The following ZNF44 variants were observed in gnomAD, a reference collection of about 807,000 sequenced individuals.
ZNF44 encodes the protein zinc finger protein 44.
In ZNF44, 9 loss-of-function variants were observed where a neutral mutation model predicts 11.7. That is an observed-to-expected ratio of 0.77 (90% CI 0.46 to 1.35). The LOEUF (loss-of-function observed/expected upper bound fraction) is 1.35, where lower values mean the gene tolerates loss of function less well. ZNF44 is among the 40% of genes most tolerant of loss of function. ZNF44 has a pLI of 0.00. For synonymous variants in ZNF44, 224 were observed against 242.7 expected (o/e 0.92, Z 0.72); for missense variants, 696 against 743.1 (o/e 0.94, Z 0.74).
chr19:12,279,829 T>A (rs1967388943), intron 1 of ZNF44, among the ~76,000 whole-genome samples: 2 of 99,452 alleles, frequency 2.0e-5, no homozygotes, highest in African/African-American at 4.9e-5. Context: ...AAAACTAAAA[T>A]GAAGGTAAAA....
Position 12,273,221 on chromosome 19 carries a change from C to T in ZNF44, c.1034G>A (p.Gly345Asp), listed in dbSNP as rs754354857. 2.5e-6 allele frequency: 4 copies of T among 1,613,912 alleles called. No homozygotes were observed. The highest frequency in any genetic ancestry group is 1.1e-5 in the South Asian group (1 of 91,056). Residue 345 changes from glycine to aspartate, a missense_variant, in exon 4 of 4, where the codon GGC becomes GAC. Transcript: ENST00000355684. ...TCGTGCTGAACCAGGAAAATCAAAG[C>T]CTTTCCCACATATCTTACATTTATG... ...GPHKCKICGK[G>D]FDFPGSARIH...
downstream of ZNF44, among the ~76,000 whole-genome samples, chr19:12,268,566 CTTTA>C (rs1917827074): frequency 6.6e-6 from 1 of 151,970 alleles, no homozygotes; most frequent in South Asian, 2.1e-4. Flanking sequence ...GAGAAAATCT[CTTTA>C]TTATTATTTA....
At chr19:12,233,407 T>C (rs1916238692) in intron 2 of ZNF44, among the ~76,000 whole-genome samples, 1 of 151,944 alleles carries the variant, frequency 6.6e-6, no homozygotes, top group Non-Finnish European at 1.5e-5. Context: ...CTTACAGAAA[T>C]AGACTTCACC....
intron 1 of ZNF44, among the ~76,000 whole-genome samples, chr19:12,279,288 A>G (rs1415193582): frequency 6.6e-6 from 1 of 152,150 alleles, no homozygotes; most frequent in African/African-American, 2.4e-5. Flanking sequence ...TGGGAGGCTG[A>G]GGGAGGAGGA....
At chr19:12,232,759 C>T (rs8107627) in intron 2 of ZNF44, among the ~76,000 whole-genome samples, 9,270 of 152,122 alleles carry the variant, frequency 0.061, 960 homozygotes, top group African/African-American at 0.21. Context: ...ACAGACACAG[C>T]AACAATCTGA....
intron 7 of ZNF44, chr19:12,249,929 C>G: frequency 8.6e-7 from 1 of 1,168,364 alleles, no homozygotes. Context: ...TAATGACATA[C>G]TAAGATTTTT....
chr19:12,278,706 G>C (rs1031639810), intron 1 of ZNF44, among the ~76,000 whole-genome samples: 2 of 150,568 alleles, frequency 1.3e-5, no homozygotes, highest in Non-Finnish European at 3.0e-5. Flanking sequence ...AAGTCTGAGT[G>C]AAAGAGTGAC....
chr19:12,284,678 G>C, intron 1 of ZNF44: 1 of 750,950 alleles, frequency 1.3e-6, no homozygotes. Context: ...CCAGGTTCAA[G>C]GCGTTTGTTG....
chr19:12,286,843 C>T (rs1362992063), intron 1 of ZNF44, among the ~76,000 whole-genome samples: 2 of 151,098 alleles, frequency 1.3e-5, no homozygotes, highest in South Asian at 2.1e-4. Context: ...CCCAGCTACT[C>T]GGGAGGCTGA....
At chr19:12,289,883 G>A (rs1170182434) in intron 1 of ZNF44, among the ~76,000 whole-genome samples, 2 of 151,826 alleles carry the variant, frequency 1.3e-5, no homozygotes, top group African/African-American at 2.4e-5. Context: ...CGCCTGCCTC[G>A]ACCTCCCAAA....
intron 1 of ZNF44, among the ~76,000 whole-genome samples, chr19:12,286,204 T>A (rs1366094965): frequency 2.0e-5 from 3 of 152,202 alleles, no homozygotes; most frequent in African/African-American, 7.2e-5. Flanking sequence ...CTGAATCAAA[T>A]CAATATTCTC....
chr19:12,259,458 T>G (rs896182681), intron 5 of ZNF44, among the ~76,000 whole-genome samples: 8 of 152,214 alleles, frequency 5.3e-5, no homozygotes, highest in African/African-American at 1.9e-4. Context: ...AGGAGTGCCC[T>G]TTTTATGATT....
intron 1 of ZNF44, among the ~76,000 whole-genome samples, chr19:12,285,942 C>G (rs186114800): frequency 7.9e-4 from 119 of 150,296 alleles, no homozygotes; most frequent in African/African-American, 2.9e-3. Flanking sequence ...TGGCGTGAAC[C>G]CGGGGGTCAG....
chr19:12,257,502 A>C (rs542926284), intron 5 of ZNF44, among the ~76,000 whole-genome samples: 5 of 151,580 alleles, frequency 3.3e-5, no homozygotes, highest in Admixed American at 3.3e-4. Flanking sequence ...AAAATACAAA[A>C]ATTGGCCAGG....
intron 6 of ZNF44, chr19:12,250,173 G>C (rs964401920): frequency 1.6e-6 from 2 of 1,272,508 alleles, no homozygotes; most frequent in Non-Finnish European, 2.0e-6. Context: ...TCTTGGAATA[G>C]CATTGATATC....
In ZNF44 at chr19:12,260,172, T is replaced by G. The variant is rs1022031578; in HGVS notation, c.1913-9804A>C. The G allele has an allele frequency of 4.2e-5, 32 of 768,358 alleles. No individual in the cohort carries two copies. The Admixed American group carries it at 5.4e-4, about 13-fold the overall frequency. The allele number at this position is 768,358 out of a possible 1,614,324, so 47.6% of individuals were successfully genotyped here. A position where few individuals can be genotyped will look rare whatever the true frequency, so the allele number is the denominator to read the frequency against. On this transcript the variant is annotated intron_variant and NMD_transcript_variant, in intron 5 of 7. Coordinates refer to the ZNF44 transcript ENST00000393337. ...ATGGTCGTGCAGAACTGCTCCAGTT[T>G]CTGATCAAGAGGACTATGCCGACCT...
chr19:12,251,098 G>A (rs1015624213), intron 5 of ZNF44, among the ~76,000 whole-genome samples: 5 of 152,026 alleles, frequency 3.3e-5, no homozygotes, highest in South Asian at 4.1e-4. Context: ...TTGGGAGACC[G>A]AGGAGGGTGG....
At chr19:12,257,668 G>A (rs1917315924) in intron 5 of ZNF44, among the ~76,000 whole-genome samples, 1 of 129,938 alleles carries the variant, frequency 7.7e-6, no homozygotes, top group East Asian at 2.5e-4. Context: ...GGGCGTGGTG[G>A]CAGGTGCCTG....
chr19:12,242,667 CAAAAAAAAAAAA>C (rs35818337), downstream of ZNF44: 5 of 91,918 alleles, frequency 5.4e-5, no homozygotes, highest in African/African-American at 1.8e-4. Flanking sequence ...CTTGTCTCTC[CAAAAAAAAAAAA>C]AAAAAAAAAT....
Sources: gnomAD v4.1 joint callset for allele counts (sites outside exome capture counted in the v4.1 genomes callset) on GRCh38, gnomAD v4.1.1 for gene constraint, MANE v1.5 for transcripts, NCBI Gene and HGNC (gene_info 2026-07-23, HGNC 2026-07-21) for gene names.